Variants in PLCD4 observed in about 807,000 individuals in gnomAD.
The protein encoded by PLCD4 is phospholipase C delta 4, also known as 1-phosphatidylinositol 4,5-bisphosphate phosphodiesterase delta-4.
PLCD4 carries 63 observed loss-of-function variants against 90.2 expected under a neutral mutation model. The observed-to-expected ratio is 0.70, with a 90% CI of 0.57 to 0.86. The LOEUF (loss-of-function observed/expected upper bound fraction) is 0.86, where lower values mean the gene tolerates loss of function less well. Ranked by LOEUF, PLCD4 falls within the 40% of genes least tolerant of loss-of-function variation. The pLI is 0.00. For synonymous variants in PLCD4, 294 were observed against 356.5 expected, an observed-to-expected ratio of 0.82 and a Z score of 1.97; for missense variants, 830 against 956.3, an observed-to-expected ratio of 0.87 and a Z score of 1.74.
intron 3 of PLCD4, among the ~76,000 whole-genome samples, chr2:218,616,959 G>T (rs1490080812): frequency 7.8e-5 from 7 of 89,636 alleles, no homozygotes; most frequent in Admixed American, 2.2e-4. Flanking sequence ...GAGAGAGAGA[G>T]AGAGAGAGAG....
chr2:218,630,724 T>A lies in PLCD4; in HGVS notation c.1194T>A (p.His398Gln). The stretch of plus-strand genomic sequence containing the variant: ...AGCAGCAGCAGACCATGGCCCGTCA[T>A]CTGACTGAGATCCTGGGGGAGCAGC... The part of the protein sequence containing the change: ...SWEQQQTMAR[H>Q]LTEILGEQLL... The change falls in exon 9 of 16, where the codon CAT becomes CAA. Residue 398 changes from histidine to glutamine, a missense_variant. Physicochemically the swap from His to Gln is conservative, Grantham distance 24. Coordinates refer to ENST00000450993, the MANE Select transcript of PLCD4 (RefSeq NM_032726.4). 6.2e-7 allele frequency: 1 copy of A among 1,614,006 alleles called. No homozygotes were observed.
intron 8 of PLCD4, 92 bp downstream of exon 8, chr2:218,629,755 G>A: frequency 5.0e-6 from 7 of 1,390,412 alleles, no homozygotes; most frequent in East Asian, 2.4e-5. Context: ...AGGAGTACAG[G>A]GGAAGTTCCA....
rs575741379 is a variant in PLCD4 at position 218,613,162 on chromosome 2, G to A, written c.-33-2545G>A. ...TCCCGGCACTTTGGGAGGTCGAGGC[G>A]GGTGGATCACCTGAGGTCAGGTGTT... On this transcript the variant is annotated intron_variant, in intron 1 of 15. Coordinates refer to ENST00000450993, the MANE Select transcript of PLCD4 (RefSeq NM_032726.4). Among the ~76,000 whole-genome samples, 229 of 152,136 alleles carry A rather than the reference G, an allele frequency of 1.5e-3. 1 individual carries two copies. Among genetic ancestry groups the A allele is most frequent in the Non-Finnish European group, 2.2e-3 (147 of 67,986 alleles).
At chr2:218,616,095 T>C (rs780454969) in intron 3 of PLCD4, 33 bp downstream of exon 3, 8 of 1,606,822 alleles carry the variant, frequency 5.0e-6, no homozygotes, top group Non-Finnish European at 6.8e-6. Context: ...GGTGGATACA[T>C]GGGTGGATAG....
At chr2:218,618,852 T>A (rs570297118) in intron 4 of PLCD4, 45 bp downstream of exon 4, 1 of 1,524,834 alleles carries the variant, frequency 6.6e-7, no homozygotes, top group South Asian at 1.2e-5. Context: ...GATCACGCTA[T>A]CCCTGAAGGA....
chr2:218,633,152 A>G (rs1696480932), intron 10 of PLCD4: 2 of 536,500 alleles, frequency 3.7e-6, no homozygotes, highest in Admixed American at 3.3e-5. Flanking sequence ...TGTGACTTAC[A>G]TGACCATTTG....
At chr2:218,626,641 T>C (rs1696131879) in intron 6 of PLCD4, among the ~76,000 whole-genome samples, 2 of 152,168 alleles carry the variant, frequency 1.3e-5, no homozygotes, top group South Asian at 4.1e-4. Flanking sequence ...TTGTTGTTGT[T>C]GTTGTATAAA....
At chr2:218,620,037 C>A (rs1297911402) in intron 4 of PLCD4, among the ~76,000 whole-genome samples, 1 of 152,178 alleles carries the variant, frequency 6.6e-6, no homozygotes, top group Non-Finnish European at 1.5e-5. Flanking sequence ...GCCACCGCAC[C>A]TGGCTAATTT....
chr2:218,622,955 C>A, intron 6 of PLCD4, 77 bp downstream of exon 6: 3 of 1,290,442 alleles, frequency 2.3e-6, no homozygotes, highest in Non-Finnish European at 2.2e-6. Context: ...CAGAGACAAG[C>A]AGCCATCTGC....
chr2:218,636,439 C>T (rs573181493), intron 15 of PLCD4, 32 bp from the exon 16 acceptor site: 44 of 1,614,000 alleles, frequency 2.7e-5, no homozygotes, highest in South Asian at 2.3e-4. Flanking sequence ...GCTCTGGCTG[C>T]CTTCCTAATG....
Position 218,634,643 on chromosome 2 carries a change from T to TA in PLCD4, c.1896+16dup. 1 of 1,611,598 alleles carries TA rather than the reference T, an allele frequency of 6.2e-7. No individual in the cohort carries two copies. The highest frequency in any genetic ancestry group is 1.3e-5 in the African/African-American group (1 of 74,866). ...TCTCTTAATCCAGGTACAGTGGAAA[T>TA]AAACTGTTGGGAAGAAACTGAGATA... On this transcript the variant is annotated intron_variant, in intron 13 of 15. Transcript: ENST00000450993. This position sits in a 1 kb window ranked among gnomAD's most constrained non-coding sequence, Gnocchi z 4.0.
intron 1 of PLCD4, among the ~76,000 whole-genome samples, chr2:218,612,102 G>T (rs985911023): frequency 1.3e-5 from 2 of 150,626 alleles, no homozygotes; most frequent in East Asian, 2.0e-4. Context: ...TAGAGACAGG[G>T]TTTCACCATG....
At chr2:218,633,412 G>A (rs565122956) in intron 10 of PLCD4, 193 bp from the exon 11 acceptor site, 143 of 734,378 alleles carry the variant, frequency 1.9e-4, no homozygotes, top group South Asian at 3.1e-4. Flanking sequence ...TGTTTTGTCC[G>A]TCTATCTGTT....
At chr2:218,635,969 G>A (rs201987708) in intron 14 of PLCD4, 38 bp downstream of exon 14, 5 of 1,613,366 alleles carry the variant, frequency 3.1e-6, no homozygotes, top group Non-Finnish European at 4.2e-6. Flanking sequence ...GGGGGTAGGA[G>A]CATGATTAGT....
Position 218,630,780 on chromosome 2 carries a change from C to T in PLCD4, c.1250C>T (p.Pro417Leu), listed in dbSNP as rs771167345. 1.4e-5 allele frequency: 22 copies of T among 1,613,532 alleles called. No individual in the cohort carries two copies. Among genetic ancestry groups the T allele is most frequent in the Non-Finnish European group, 1.8e-5 (21 of 1,179,700 alleles). ...LLSTTLDGVL[P>L]TQLPSPEELR... ...AGCACCACCTTGGATGGGGTGCTGC[C>T]CACTCAGCTGCCCTCGCCTGAGGTA... Residue 417 changes from proline (P) to leucine (L), a missense_variant, in exon 9 of 16, where the codon CCC (proline) becomes CTC (leucine). By Grantham distance (98) the Pro-to-Leu change is moderately conservative. Transcript: ENST00000450993.
At chr2:218,632,818 G>C (rs1696457354) in intron 10 of PLCD4, among the ~76,000 whole-genome samples, 1 of 152,166 alleles carries the variant, frequency 6.6e-6, no homozygotes. Flanking sequence ...GGAAGGGCCA[G>C]CAGTAGCCAG....
At position 218,608,074 on chromosome 2, in the gene PLCD4, AG is replaced by A. The variant is rs1695169500; in HGVS notation, c.-34+6del. The A allele has an allele frequency of 6.6e-6, 1 of 152,414 alleles. No homozygotes were observed. The highest frequency in any genetic ancestry group is 1.5e-5 in the Non-Finnish European group (1 of 68,202). 9.4% of individuals were successfully genotyped at this position (152,414 alleles called of 1,614,324 possible). A position where few individuals can be genotyped will look rare whatever the true frequency, so the allele number is the denominator to read the frequency against. On this transcript the variant is annotated splice_donor_5th_base_variant and intron_variant, in intron 1 of 15. Transcript: ENST00000450993. Reference sequence around the variant, plus strand: ...CTATTCTGCTCTCCTGCCCACGGTAAGGATCTGGAAGCTCTGACTACCCTCT... The same window carrying A: ...CTATTCTGCTCTCCTGCCCACGGTAAGATCTGGAAGCTCTGACTACCCTCT...
chr2:218,616,898 TTATATATATATATATATA>T (rs1174872985), intron 3 of PLCD4, among the ~76,000 whole-genome samples: 2 of 6,254 alleles, frequency 3.2e-4, no homozygotes, highest in Non-Finnish European at 4.2e-4. Context: ...AGCCATTATT[TTATATATATATATATATA>T]TATATATATA....
In PLCD4 at chr2:218,636,015, C is replaced by A. The variant is rs1696721282; in HGVS notation, c.2032+84C>A. 8 of 1,587,558 alleles carry A rather than the reference C, an allele frequency of 5.0e-6. No individual in the cohort carries two copies. The East Asian group carries it at 1.6e-4, about 31-fold the overall frequency. On this transcript the variant is annotated intron_variant, in intron 14 of 15. Transcript: ENST00000450993. Reference sequence around the variant, plus strand: ...GTCTGTCTTCCATTAAGTATAGCATCTGTTATTGCATGTCCCCACATGGGA... The same window carrying A: ...GTCTGTCTTCCATTAAGTATAGCATATGTTATTGCATGTCCCCACATGGGA...
Sources: gnomAD v4.1 joint callset for allele counts (sites outside exome capture counted in the v4.1 genomes callset) on GRCh38, gnomAD v4.1.1 for gene constraint, Gnocchi (gnomAD v3.1) non-coding constraint, MANE v1.5 for transcripts, NCBI Gene and HGNC (gene_info 2026-07-23, HGNC 2026-07-21) for gene names.